Variants in FHL2 observed in about 807,000 individuals in gnomAD.
The protein encoded by FHL2 is four and a half LIM domains 2.
A neutral mutation model predicts 32.7 loss-of-function variants in FHL2; 20 were observed. That is an observed-to-expected ratio of 0.61 (90% CI 0.43 to 0.89). The LOEUF is 0.89. Ranked by LOEUF, FHL2 falls within the 40% of genes least tolerant of loss-of-function variation. FHL2 has a pLI of 0.00. For synonymous variants in FHL2, 123 were observed against 128.1 expected (o/e 0.96, Z 0.27); for missense variants, 311 against 358.6 (o/e 0.87, Z 1.07).
In FHL2 at chr2:105,390,999, A is replaced by AT. The variant is rs36061265; in HGVS notation, c.-24-4460dup. Among the ~76,000 whole-genome samples the AT allele has an allele frequency of 5.3e-3, 743 of 141,188 alleles. 5 individuals are homozygous for AT. The highest frequency in any genetic ancestry group is 0.014 in the African/African-American group (548 of 38,354). The allele number at this position is 141,188 out of a possible 152,430, so 92.6% of individuals were successfully genotyped here. A position where few individuals can be genotyped will look rare whatever the true frequency, so the allele number is the denominator to read the frequency against. On this transcript the variant is annotated intron_variant, in intron 2 of 6. Coordinates refer to ENST00000530340, the MANE Select transcript of FHL2 (RefSeq NM_001318895.3). ...TGTGTATGTGTGTGTGTGTATGTGT[A>AT]TTTTTTTTTTTTTAGTAGAGACGGA...
chr2:105,415,528 TA>T (rs1422645054), intron 1 of FHL2, among the ~76,000 whole-genome samples: 1 of 152,264 alleles, frequency 6.6e-6, no homozygotes, highest in Admixed American at 6.5e-5. Context: ...AAAGGTGGTT[TA>T]AATAATGTCT....
chr2:105,383,207 G>A (rs1474680647), intron 3 of FHL2, among the ~76,000 whole-genome samples: 1 of 152,186 alleles, frequency 6.6e-6, no homozygotes, highest in African/African-American at 2.4e-5. Flanking sequence ...TTAGTTGGTT[G>A]AATTTTTGAA....
intron 1 of FHL2, among the ~76,000 whole-genome samples, chr2:105,425,282 A>G (rs1684224796): frequency 6.6e-6 from 1 of 152,172 alleles, no homozygotes; most frequent in Non-Finnish European, 1.5e-5. Flanking sequence ...CAAAATATTT[A>G]CAAGCAGTAT....
intron 6 of FHL2, 71 bp from the exon 7 acceptor site, chr2:105,361,505 T>G: frequency 7.1e-7 from 1 of 1,398,700 alleles, no homozygotes; most frequent in Non-Finnish European, 9.9e-7. Context: ...AAGAAGGAAT[T>G]CTGGTTTGAT....
rs1228733476 is a variant in FHL2, at chr2:105,367,571, T to G, written c.500A>C (p.Lys167Thr). The G allele has an allele frequency of 6.2e-7, 1 of 1,611,752 alleles. No individual in the cohort carries two copies. The highest frequency in any genetic ancestry group is 1.7e-5 in the Admixed American group (1 of 59,892). ...QHAMQCVQCK[K>T]PITTGGVTYR... ...GGGCCAAGGGGGCATCTGAGATACC[T>G]TTTTGCACTGAACGCACTGCATGGC... is the stretch of plus-strand genomic sequence containing the variant. Residue 167 changes from lysine to threonine, a missense_variant and splice_region_variant, in exon 5 of 7, where the codon AAG (lysine) becomes ACG (threonine). Transcript: ENST00000530340.
chr2:105,430,793 T>C (rs986652450), intron 1 of FHL2, among the ~76,000 whole-genome samples: 1 of 152,244 alleles, frequency 6.6e-6, no homozygotes, highest in African/African-American at 2.4e-5. Context: ...ACAGAGGTCC[T>C]GCCCTGTGTC....
chr2:105,432,498 C>A (rs1684469815), intron 1 of FHL2, among the ~76,000 whole-genome samples: 1 of 152,148 alleles, frequency 6.6e-6, no homozygotes, highest in African/African-American at 2.4e-5. Context: ...TTTTCGGTTC[C>A]TAAATTATAT....
At chr2:105,358,285 T>C (rs749808925), downstream of FHL2, 1 of 152,278 alleles carries the variant, frequency 6.6e-6, no homozygotes, top group African/African-American at 2.4e-5. Flanking sequence ...CTGGATCTCC[T>C]CTGGGGGCTG....
At chr2:105,392,253 G>A (rs939870899) in intron 2 of FHL2, among the ~76,000 whole-genome samples, 6 of 152,158 alleles carry the variant, frequency 3.9e-5, no homozygotes, top group South Asian at 2.1e-4. Flanking sequence ...CAGACATATC[G>A]TTTGAGCCCT....
intron 4 of FHL2, among the ~76,000 whole-genome samples, chr2:105,369,624 T>A (rs1454301385): frequency 6.6e-6 from 1 of 152,236 alleles, no homozygotes; most frequent in Non-Finnish European, 1.5e-5. Flanking sequence ...AAACATTACA[T>A]GAAGCAATTG....
At chr2:105,416,644 T>C (rs1683945809) in intron 1 of FHL2, among the ~76,000 whole-genome samples, 1 of 152,244 alleles carries the variant, frequency 6.6e-6, no homozygotes. Context: ...CATTGTTTTG[T>C]TAGATTTAGA....
chr2:105,373,799 G>A, intron 3 of FHL2, 66 bp from the exon 4 acceptor site: 2 of 1,548,280 alleles, frequency 1.3e-6, no homozygotes, highest in Admixed American at 3.4e-5. Flanking sequence ...ACAGCATAGG[G>A]GCCCCTTGCG....
upstream of FHL2, among the ~76,000 whole-genome samples, chr2:105,401,671 T>C (rs1255512453): frequency 6.6e-6 from 1 of 152,212 alleles, no homozygotes; most frequent in East Asian, 1.9e-4. Context: ...AAATACAGTA[T>C]GGTGCATTTT....
upstream of FHL2, among the ~76,000 whole-genome samples, chr2:105,402,279 C>A (rs899239699): frequency 6.6e-6 from 1 of 151,526 alleles, no homozygotes; most frequent in African/African-American, 2.4e-5. Flanking sequence ...TGGAGTCTTG[C>A]TCTGTTGCCC....
intron 2 of FHL2, among the ~76,000 whole-genome samples, chr2:105,393,104 C>G (rs12475649): frequency 2.0e-5 from 3 of 151,648 alleles, no homozygotes; most frequent in African/African-American, 7.3e-5. Flanking sequence ...CAGATCCCTA[C>G]AGGTAAAGCC....
chr2:105,433,860 T>C (rs1422518069), intron 1 of FHL2, among the ~76,000 whole-genome samples: 1 of 152,198 alleles, frequency 6.6e-6, no homozygotes, highest in Admixed American at 6.5e-5. Flanking sequence ...CCCTTTTACT[T>C]TGGGGAGTCA....
At chr2:105,401,664 T>A (rs1206512788), upstream of FHL2, among the ~76,000 whole-genome samples, 1 of 152,178 alleles carries the variant, frequency 6.6e-6, no homozygotes, top group Non-Finnish European at 1.5e-5. Flanking sequence ...CTTAGTTAAA[T>A]ACAGTATGGT....
At chr2:105,368,898 C>T (rs545514388) in intron 4 of FHL2, among the ~76,000 whole-genome samples, 2 of 152,330 alleles carry the variant, frequency 1.3e-5, no homozygotes, top group East Asian at 3.9e-4. Flanking sequence ...CTGTGTAAGA[C>T]CAAATCCAGA....
At chr2:105,369,980 G>A (rs1300432860) in intron 4 of FHL2, among the ~76,000 whole-genome samples, 10 of 152,240 alleles carry the variant, frequency 6.6e-5, no homozygotes, top group Admixed American at 6.5e-4. Context: ...CCGGCAGGTG[G>A]CAGGAGCGTT....
Sources: gnomAD v4.1 joint callset for allele counts (sites outside exome capture counted in the v4.1 genomes callset) on GRCh38, gnomAD v4.1.1 for gene constraint, MANE v1.5 for transcripts, NCBI Gene and HGNC (gene_info 2026-07-23, HGNC 2026-07-21) for gene names.